The following SBF2 variants were observed in gnomAD, a reference collection of about 807,000 sequenced individuals.
SBF2 encodes myotubularin-related protein 13.
SBF2 carries 112 observed loss-of-function variants against 225.2 expected under a neutral mutation model. That is an observed-to-expected ratio of 0.50 (90% CI 0.43 to 0.58). The LOEUF is 0.58. Ranked by LOEUF, SBF2 falls within the 20% of genes least tolerant of loss-of-function variation. SBF2 has a pLI of 0.00. For missense variants in SBF2, 1,996 were observed against 2,206.2 expected (o/e 0.90, Z 1.91); for synonymous variants, 763 against 773.3 (o/e 0.99, Z 0.22).
At chr11:10,070,157 T>G (rs1006014266) in intron 2 of SBF2, among the ~76,000 whole-genome samples, 1 of 152,232 alleles carries the variant, frequency 6.6e-6, no homozygotes, top group African/African-American at 2.4e-5. Context: ...GCTCTTTAGT[T>G]TAATTAGATC....
At chr11:10,011,608 A>C (rs1948463474) in intron 6 of SBF2, among the ~76,000 whole-genome samples, 1 of 152,184 alleles carries the variant, frequency 6.6e-6, no homozygotes, top group Non-Finnish European at 1.5e-5. Flanking sequence ...TTTGTTTCTG[A>C]AAGACAGTTT....
At chr11:10,212,138 C>A (rs1957963467) in intron 1 of SBF2, among the ~76,000 whole-genome samples, 1 of 152,164 alleles carries the variant, frequency 6.6e-6, no homozygotes, top group Admixed American at 6.5e-5. Flanking sequence ...GTCCATTAAC[C>A]CATGGATATG....
At chr11:10,173,919 C>T (rs369930469) in intron 2 of SBF2, among the ~76,000 whole-genome samples, 9,525 of 150,808 alleles carry the variant, frequency 0.063, 461 homozygotes, top group East Asian at 0.27. Flanking sequence ...CTCACAGGGC[C>T]GGGTACTCCA....
chr11:9,960,043 T>G (rs534507944), intron 16 of SBF2: 19 of 264,098 alleles, frequency 7.2e-5, no homozygotes, highest in African/African-American at 4.3e-4. Context: ...TGGAGTTCAG[T>G]GGCTATTGAT....
rs1176421325 is a variant in SBF2 at position 9,994,571 on chromosome 11, TATGTACATATATATATATATATGAAA to T, written c.976-599_976-574del. ...AAACAAAATAAACCCTAAATCTATATATGTACATATATATATATATATGAAAATGAAAAGTTCTGAAAAAAATACAC... is the reference window on the plus strand; with the variant it reads ...AAACAAAATAAACCCTAAATCTATATATGAAAAGTTCTGAAAAAAATACAC... On this transcript the variant is annotated intron_variant, in intron 9 of 39. Transcript: ENST00000256190. 8.3e-5 allele frequency among the ~76,000 whole-genome samples: 12 copies of T among 144,308 alleles called. 1 individual carries two copies. Among genetic ancestry groups the T allele is most frequent in the African/African-American group, 2.7e-4 (11 of 40,120 alleles). 94.7% of individuals were successfully genotyped at this position (144,308 alleles called of 152,430 possible).
At chr11:10,265,187 C>A (rs1565416145) in intron 1 of SBF2, among the ~76,000 whole-genome samples, 1 of 152,164 alleles carries the variant, frequency 6.6e-6, no homozygotes, top group Non-Finnish European at 1.5e-5. Flanking sequence ...AACTAATTCA[C>A]CCTCCCACCA....
At chr11:9,946,227 A>G (rs1232359676) in intron 16 of SBF2, among the ~76,000 whole-genome samples, 1 of 152,224 alleles carries the variant, frequency 6.6e-6, no homozygotes, top group Non-Finnish European at 1.5e-5. Flanking sequence ...TGTGGTACAC[A>G]TACACCATGG....
At chr11:10,138,304 T>C (rs1954479601) in intron 2 of SBF2, among the ~76,000 whole-genome samples, 2 of 152,210 alleles carry the variant, frequency 1.3e-5, no homozygotes, top group South Asian at 4.1e-4. Context: ...CATTAACTCG[T>C]TGATGACTGA....
At chr11:9,975,425 A>G (rs1232479975) in intron 13 of SBF2, among the ~76,000 whole-genome samples, 1 of 152,200 alleles carries the variant, frequency 6.6e-6, no homozygotes, top group Non-Finnish European at 1.5e-5. Context: ...GAAAAGGCAA[A>G]ACTATACAGA....
chr11:9,938,228 T>C (rs999310855), intron 16 of SBF2, among the ~76,000 whole-genome samples: 5 of 151,704 alleles, frequency 3.3e-5, no homozygotes, highest in Admixed American at 6.6e-5. Flanking sequence ...CAGGTGGAGC[T>C]TGCAGTGAGC....
intron 16 of SBF2, among the ~76,000 whole-genome samples, chr11:9,941,055 C>T (rs1458174262): frequency 6.6e-6 from 1 of 152,150 alleles, no homozygotes; most frequent in African/African-American, 2.4e-5. Context: ...GTGGCTCATG[C>T]CTGTAATCCC....
chr11:10,094,490 G>C (rs1336363934), intron 2 of SBF2, among the ~76,000 whole-genome samples: 1 of 141,954 alleles, frequency 7.0e-6, no homozygotes, highest in Non-Finnish European at 1.5e-5. Flanking sequence ...ACTACATACA[G>C]TCAAAAAAAT....
At chr11:9,809,083 A>G in intron 30 of SBF2, 81 bp from the exon 31 acceptor site, 1 of 1,015,644 alleles carries the variant, frequency 9.8e-7, no homozygotes. Flanking sequence ...TCAACCCTGG[A>G]TAATCAAACG....
rs369183255 is a variant in SBF2 at position 10,257,763 on chromosome 11, G to A, written c.55+36252C>T. ...TATAATCCCAGCACTTTGGGAGGCC[G>A]AGGTGGGTGGATCACTTGAGCCCAG... On this transcript the variant is annotated intron_variant, in intron 1 of 39. Coordinates refer to ENST00000256190, the MANE Select transcript of SBF2 (RefSeq NM_030962.4). Among the ~76,000 whole-genome samples the A allele has an allele frequency of 2.6e-4, 40 of 150,976 alleles. 1 individual carries two copies. In the East Asian group the frequency reaches 4.5e-3, roughly 17 times the overall value.
At chr11:9,797,531 G>C (rs1853198438) in intron 32 of SBF2, among the ~76,000 whole-genome samples, 1 of 152,200 alleles carries the variant, frequency 6.6e-6, no homozygotes, top group African/African-American at 2.4e-5. Context: ...CTTTCCATGG[G>C]ACATGGCTCT....
chr11:10,192,729 T>A (rs1197776771), intron 2 of SBF2, among the ~76,000 whole-genome samples: 1 of 152,194 alleles, frequency 6.6e-6, no homozygotes, highest in African/African-American at 2.4e-5. Context: ...CAGCTGAGAT[T>A]TTAACCTAGG....
At chr11:10,236,560 A>G (rs1959087225) in intron 1 of SBF2, among the ~76,000 whole-genome samples, 1 of 152,148 alleles carries the variant, frequency 6.6e-6, no homozygotes. Flanking sequence ...CCTGGGTTCA[A>G]GCAATTCTCC....
intron 2 of SBF2, among the ~76,000 whole-genome samples, chr11:10,167,217 G>A (rs943267861): frequency 4.6e-5 from 7 of 152,104 alleles, no homozygotes; most frequent in Non-Finnish European, 1.0e-4. Flanking sequence ...TTTAACGCAA[G>A]AAACTAATGT....
chr11:10,072,699 AAAC>A, intron 2 of SBF2, among the ~76,000 whole-genome samples: 1 of 151,876 alleles, frequency 6.6e-6, no homozygotes, highest in East Asian at 1.9e-4. Flanking sequence ...TGTTCTCAAA[AAAC>A]AAAAAAATCC....
Sources: gnomAD v4.1 joint callset for allele counts (sites outside exome capture counted in the v4.1 genomes callset) on GRCh38, gnomAD v4.1.1 for gene constraint, MANE v1.5 for transcripts, NCBI Gene and HGNC (gene_info 2026-07-23, HGNC 2026-07-21) for gene names.